NTM: variants seen among roughly 807,000 people sequenced by gnomAD.
NTM encodes the protein IgLON family member 2.
A neutral mutation model predicts 42.1 loss-of-function variants in NTM; 13 were observed. That is an observed-to-expected ratio of 0.31 (90% CI 0.20 to 0.49). The LOEUF is 0.49. Ranked by LOEUF, NTM falls within the 20% of genes least tolerant of loss-of-function variation. The pLI is 0.99. For synonymous variants in NTM, 187 were observed against 179.2 expected (o/e 1.04, Z -0.35); for missense variants, 373 against 452.8 (o/e 0.82, Z 1.60).
intron 2 of NTM, among the ~76,000 whole-genome samples, chr11:131,963,889 CA>C (rs1254211690): frequency 6.6e-6 from 1 of 152,120 alleles, no homozygotes; most frequent in Non-Finnish European, 1.5e-5. Context: ...GATCAGAAAA[CA>C]GAGAGAGAGT....
At chr11:132,114,435 G>A (rs1423094070) in intron 2 of NTM, among the ~76,000 whole-genome samples, 1 of 152,140 alleles carries the variant, frequency 6.6e-6, no homozygotes, top group Non-Finnish European at 1.5e-5. Flanking sequence ...ATTGCAGTTG[G>A]CAAGTTACTT....
chr11:131,513,820 C>A (rs2048553675), intron 1 of NTM, among the ~76,000 whole-genome samples: 2 of 152,114 alleles, frequency 1.3e-5, no homozygotes, highest in Non-Finnish European at 2.9e-5. Context: ...GAAGGAGATT[C>A]ATAAAGGTAG....
At chr11:131,602,564 G>C (rs778656803) in intron 1 of NTM, among the ~76,000 whole-genome samples, 1 of 152,056 alleles carries the variant, frequency 6.6e-6, no homozygotes, top group East Asian at 1.9e-4. Flanking sequence ...TTTTAAAATT[G>C]CTTCAGATTC....
intron 2 of NTM, among the ~76,000 whole-genome samples, chr11:132,143,605 C>T (rs2069657035): frequency 6.6e-6 from 1 of 152,160 alleles, no homozygotes; most frequent in African/African-American, 2.4e-5. Context: ...AAATAGTACA[C>T]ATAGTGGGCT....
chr11:131,552,516 A>G (rs2054824867), intron 1 of NTM, among the ~76,000 whole-genome samples: 1 of 151,676 alleles, frequency 6.6e-6, no homozygotes, highest in African/African-American at 2.4e-5. Context: ...AAAAAAAAAA[A>G]AAAAAATACC....
chr11:132,115,090 T>A (rs1566199642), intron 2 of NTM, among the ~76,000 whole-genome samples: 1 of 152,150 alleles, frequency 6.6e-6, no homozygotes, highest in Non-Finnish European at 1.5e-5. Flanking sequence ...TATATGTTGA[T>A]CTAGAAAAAT....
chr11:131,459,382 A>G (rs1057461172), intron 1 of NTM, among the ~76,000 whole-genome samples: 1 of 152,250 alleles, frequency 6.6e-6, no homozygotes, highest in Non-Finnish European at 1.5e-5. Flanking sequence ...TCTAAATTCT[A>G]TGTTCATCTA....
chr11:131,423,056 T>C (rs1485859935), intron 1 of NTM, among the ~76,000 whole-genome samples: 2 of 152,192 alleles, frequency 1.3e-5, no homozygotes, highest in Admixed American at 1.3e-4. Flanking sequence ...ACTATCAGCA[T>C]TTTCATCACA....
intron 1 of NTM, among the ~76,000 whole-genome samples, chr11:131,669,410 T>C (rs574132186): frequency 6.6e-6 from 1 of 152,232 alleles, no homozygotes; most frequent in African/African-American, 2.4e-5. Context: ...GAGGTTTTTA[T>C]GAGCATTAAG....
At chr11:132,081,461 G>A (rs754249657) in intron 2 of NTM, among the ~76,000 whole-genome samples, 14 of 152,220 alleles carry the variant, frequency 9.2e-5, no homozygotes, top group Non-Finnish European at 1.2e-4. Flanking sequence ...GGCCAGGCAC[G>A]GTGGCTCGCG....
intron 1 of NTM, among the ~76,000 whole-genome samples, chr11:131,590,243 A>G (rs1244553518): frequency 1.3e-5 from 2 of 152,032 alleles, no homozygotes; most frequent in Admixed American, 1.3e-4. Context: ...AGCAGTGATG[A>G]CCCTGGGGGC....
intron 1 of NTM, among the ~76,000 whole-genome samples, chr11:131,662,678 CAGA>C (rs749960387): frequency 8.5e-5 from 13 of 152,130 alleles, no homozygotes; most frequent in Non-Finnish European, 1.6e-4. Flanking sequence ...AGCGTGTTCA[CAGA>C]AGAAGGGCTG....
chr11:132,331,705 G>T (rs539073667), intron 8 of NTM, among the ~76,000 whole-genome samples: 1 of 152,202 alleles, frequency 6.6e-6, no homozygotes, highest in East Asian at 1.9e-4. Flanking sequence ...ATGACACAGG[G>T]TGGTAAGTAT....
At chr11:131,374,992 T>TAACA (rs754922042) in intron 1 of NTM, among the ~76,000 whole-genome samples, 12 of 152,232 alleles carry the variant, frequency 7.9e-5, no homozygotes, top group Middle Eastern at 3.4e-3. Context: ...TGCTAAAGAT[T>TAACA]AACAAACAAA....
intron 2 of NTM, among the ~76,000 whole-genome samples, chr11:132,054,714 A>G (rs2079358761): frequency 1.3e-5 from 2 of 152,220 alleles, no homozygotes; most frequent in Admixed American, 1.3e-4. Context: ...GGATATACTA[A>G]CTTATGAACT....
At chr11:131,931,985 C>T (rs1456421105) in intron 2 of NTM, among the ~76,000 whole-genome samples, 2 of 152,206 alleles carry the variant, frequency 1.3e-5, no homozygotes, top group Non-Finnish European at 1.5e-5. Flanking sequence ...GGCGGTGCCT[C>T]GATCTGTTTC....
chr11:131,979,400 G>A (rs1216549993), intron 2 of NTM, among the ~76,000 whole-genome samples: 2 of 152,182 alleles, frequency 1.3e-5, no homozygotes, highest in African/African-American at 4.8e-5. Flanking sequence ...ATTTCTTGAG[G>A]TTTAGATAAA....
intron 3 of NTM, among the ~76,000 whole-genome samples, chr11:132,148,121 G>A (rs2070974655): frequency 6.6e-6 from 1 of 152,104 alleles, no homozygotes; most frequent in African/African-American, 2.4e-5. Flanking sequence ...CTTCCCCAAA[G>A]GAAATTACAA....
chr11:131,444,818 G>T (rs1202505588), intron 1 of NTM, among the ~76,000 whole-genome samples: 1 of 152,136 alleles, frequency 6.6e-6, no homozygotes, highest in Non-Finnish European at 1.5e-5. Context: ...GGCTAAGACT[G>T]GAGAGAAGAT....
Sources: allele counts gnomAD v4.1 joint callset (sites outside exome capture counted in the v4.1 genomes callset), GRCh38; gene constraint gnomAD v4.1.1; transcripts MANE v1.5; gene names NCBI Gene and HGNC (gene_info 2026-07-23, HGNC 2026-07-21).